Variants in C10orf67 observed in about 807,000 individuals in gnomAD.
The protein encoded by C10orf67 is uncharacterized protein C10orf67, mitochondrial.
A neutral mutation model predicts 35.6 loss-of-function variants in C10orf67; 60 were observed. That is an observed-to-expected ratio of 1.68 (90% CI 1.37 to 2.09). The LOEUF is 2.09. Among genes scored for constraint, C10orf67 ranks in the 30% most tolerant of loss-of-function variants. C10orf67 has a pLI of 0.00. For synonymous variants in C10orf67, 167 were observed against 115.8 expected (o/e 1.44, Z -2.84); for missense variants, 474 against 330.2 (o/e 1.44, Z -3.38).
intron 10 of C10orf67, among the ~76,000 whole-genome samples, chr10:23,252,128 C>T (rs532827395): frequency 6.6e-6 from 1 of 152,176 alleles, no homozygotes; most frequent in African/African-American, 2.4e-5. Flanking sequence ...TGGATCTGTT[C>T]TCCATATTTT....
Position 23,248,835 on chromosome 10 carries a change from T to C in C10orf67, c.1346+1620A>G, listed in dbSNP as rs557950386. ...AACATAGAAAGTGTGTAGTAATAAA[T>C]ACTTCTGCTTTCCTAAATATTTAGA... On this transcript the variant is annotated intron_variant, in intron 12 of 15. Transcript: ENST00000636213. Among the ~76,000 whole-genome samples the C allele has an allele frequency of 7.2e-5, 11 of 152,276 alleles. No individual in the cohort carries two copies. In the South Asian group the frequency reaches 2.3e-3, roughly 32 times the overall value.
Position 23,298,389 on chromosome 10 carries a change from G to GT in C10orf67, c.702+4914dup, listed in dbSNP as rs200839335. On this transcript the variant is annotated intron_variant, in intron 5 of 15. Transcript: ENST00000636213. ...TGTGAGGACTCCTAGAGCTATTCCT[G>GT]TTTTTTCTGTGACATATAAAGAAAA... 3.3e-3 allele frequency among the ~76,000 whole-genome samples: 496 copies of GT among 152,246 alleles called. 14 individuals are homozygous for GT. The East Asian group carries it at 0.05, about 15-fold the overall frequency.
rs1238208910 is a variant in C10orf67 at position 23,317,810 on chromosome 10, T to C, written c.546+2931A>G. On this transcript the variant is annotated intron_variant, in intron 4 of 15. Transcript: ENST00000636213. ...TCCTTCCGTCTTCTTCCATTAAATA[T>C]TAATTAGGCCAGCACAGTGGCTCAT... 2.0e-5 allele frequency: 3 copies of C among 151,978 alleles called. No individual in the cohort carries two copies. The East Asian group carries it at 5.8e-4, about 29-fold the overall frequency. The allele number at this position is 151,978 out of a possible 1,614,324, so 9.4% of individuals were successfully genotyped here. A position where few individuals can be genotyped will look rare whatever the true frequency, so the allele number is the denominator to read the frequency against.
In C10orf67 at chr10:23,226,377, T is replaced by C. The variant is rs1841742083; in HGVS notation, c.1435-2559A>G. 2.6e-5 allele frequency among the ~76,000 whole-genome samples: 4 copies of C among 152,060 alleles called. No individual in the cohort carries two copies. The South Asian group carries it at 8.3e-4, about 32-fold the overall frequency. ...CAAAATGAAGGCAGAAATAAAGATG[T>C]TCTTTGAAACCAACGAGAACAAGGA... On this transcript the variant is annotated intron_variant, in intron 13 of 15. Coordinates refer to ENST00000636213, the MANE Select transcript of C10orf67 (RefSeq NM_001371909.1).
chr10:23,336,645 G>T (rs577516517), intron 1 of C10orf67, among the ~76,000 whole-genome samples: 40 of 152,262 alleles, frequency 2.6e-4, no homozygotes, highest in Middle Eastern at 3.4e-3. Flanking sequence ...CTCCGAAGTG[G>T]CTGGGATTAC....
At chr10:23,227,409 A>T (rs1841770835) in intron 13 of C10orf67, among the ~76,000 whole-genome samples, 1 of 152,218 alleles carries the variant, frequency 6.6e-6, no homozygotes, top group Non-Finnish European at 1.5e-5. Context: ...AAAAACTCTC[A>T]ATAAATTAGG....
Position 23,289,955 on chromosome 10 carries a change from T to C in C10orf67, c.854A>G (p.Asp285Gly), listed in dbSNP as rs1843667939. 1.4e-6 allele frequency: 1 copy of C among 717,110 alleles called. No individual in the cohort carries two copies. The highest frequency in any genetic ancestry group is 1.5e-5 in the South Asian group (1 of 67,430). 44.4% of individuals were successfully genotyped at this position (717,110 alleles called of 1,614,324 possible). ...INLKENSGLEDELISMKEMAE... is the reference protein window; with the variant it reads ...INLKENSGLEGELISMKEMAE... ...CATCTCTTTCATACTTATAAGTTCA[T>C]CTTCTGTAAACAAAAGGAGAGAGAG... The change falls in exon 7 of 16, where the codon GAT becomes GGT. Residue 285 changes from aspartate (D) to glycine (G), a missense_variant. Coordinates refer to ENST00000636213, the MANE Select transcript of C10orf67 (RefSeq NM_001371909.1).
intron 10 of C10orf67, among the ~76,000 whole-genome samples, chr10:23,262,190 A>T (rs1002215571): frequency 1.3e-5 from 2 of 152,170 alleles, no homozygotes; most frequent in African/African-American, 4.8e-5. Flanking sequence ...GAGTGACAGC[A>T]TGTCAGATGC....
At chr10:23,277,564 A>AT (rs1564486009) in intron 8 of C10orf67, among the ~76,000 whole-genome samples, 3 of 151,942 alleles carry the variant, frequency 2.0e-5, no homozygotes, top group Non-Finnish European at 2.9e-5. Flanking sequence ...AAAAAAAAAA[A>AT]AAATAATAAC....
At chr10:23,325,681 T>TAAA (rs5783837) in intron 2 of C10orf67, among the ~76,000 whole-genome samples, 188 of 145,086 alleles carry the variant, frequency 1.3e-3, no homozygotes, top group Admixed American at 1.8e-3. Flanking sequence ...ATTATATATA[T>TAAA]AAAAAAAAAA....
intron 4 of C10orf67, among the ~76,000 whole-genome samples, chr10:23,313,921 A>AG (rs1564505719): frequency 1.3e-5 from 2 of 152,134 alleles, no homozygotes; most frequent in Non-Finnish European, 2.9e-5. Flanking sequence ...CGATGGACTT[A>AG]ATGAAGACCA....
intron 15 of C10orf67, among the ~76,000 whole-genome samples, chr10:23,209,230 A>G (rs1353235089): frequency 6.6e-6 from 1 of 152,252 alleles, no homozygotes; most frequent in East Asian, 1.9e-4. Flanking sequence ...AGGGAATAAC[A>G]AAGTGTAAAA....
At chr10:23,320,125 A>G (rs539648502) in intron 4 of C10orf67, among the ~76,000 whole-genome samples, 8 of 152,252 alleles carry the variant, frequency 5.3e-5, no homozygotes, top group Non-Finnish European at 1.0e-4. Flanking sequence ...ATACTTCACA[A>G]GCAATTACAT....
Position 23,308,244 on chromosome 10 carries a change from A to G in C10orf67, c.547-4785T>C, listed in dbSNP as rs184893472. On this transcript the variant is annotated intron_variant, in intron 4 of 15. Coordinates refer to ENST00000636213, the MANE Select transcript of C10orf67 (RefSeq NM_001371909.1). Reference sequence around the variant, plus strand: ...TCGTCACCTTCTTTCCTGTTCCACTACAATCTTCGTACTTGCCTTGTTCAC... The same window carrying G: ...TCGTCACCTTCTTTCCTGTTCCACTGCAATCTTCGTACTTGCCTTGTTCAC... Among the ~76,000 whole-genome samples, 228 of 152,262 alleles carry G rather than the reference A, an allele frequency of 1.5e-3. 2 individuals carry two copies. The highest frequency in any genetic ancestry group is 1.7e-3 in the Non-Finnish European group (115 of 68,014).
At chr10:23,315,951 T>C (rs992378147) in intron 4 of C10orf67, among the ~76,000 whole-genome samples, 1 of 152,060 alleles carries the variant, frequency 6.6e-6, no homozygotes, top group Non-Finnish European at 1.5e-5. Flanking sequence ...CCTCAGTAGG[T>C]AGGACTACAA....
At chr10:23,282,207 A>T (rs4747456) in intron 7 of C10orf67, 129 bp from the exon 8 acceptor site, 123,580 of 361,614 alleles carry the variant, frequency 0.34, 27,440 homozygotes, top group East Asian at 0.69. Flanking sequence ...CAAAAGAAAA[A>T]TAAATTTCTA....
rs1322840158 is a variant in C10orf67, at chr10:23,322,538, C to T, written c.328-1G>A. ...AATCTACCTGGAGGGATTTCATCATCTAAAAATGGAAAATATTATCCTTAG... is the reference window on the plus strand; with the variant it reads ...AATCTACCTGGAGGGATTTCATCATTTAAAAATGGAAAATATTATCCTTAG... On this transcript the variant is annotated splice_acceptor_variant, in intron 2 of 15. Coordinates refer to ENST00000636213, the MANE Select transcript of C10orf67 (RefSeq NM_001371909.1). LOFTEE classifies it high-confidence loss of function. 3 of 1,591,422 alleles carry T rather than the reference C, an allele frequency of 1.9e-6. No homozygotes were observed. The highest frequency in any genetic ancestry group is 2.6e-6 in the Non-Finnish European group (3 of 1,163,826).
chr10:23,236,253 GAAAAAAAAAAAAAAAAAA>G (rs368833212), intron 13 of C10orf67, among the ~76,000 whole-genome samples: 34 of 75,802 alleles, frequency 4.5e-4, no homozygotes, highest in Non-Finnish European at 6.8e-4. Context: ...CCTCTCGGGG[GAAAAAAAAAAAAAAAAAA>G]AAAAAAAAAA....
At chr10:23,331,788 C>G (rs1183300971) in intron 2 of C10orf67, among the ~76,000 whole-genome samples, 2 of 151,982 alleles carry the variant, frequency 1.3e-5, no homozygotes, top group African/African-American at 2.4e-5. Flanking sequence ...GCATGTGAAC[C>G]GTGTCTCAAA....
Sources: allele counts gnomAD v4.1 joint callset (sites outside exome capture counted in the v4.1 genomes callset), GRCh38; gene constraint gnomAD v4.1.1; transcripts MANE v1.5; gene names NCBI Gene and HGNC (gene_info 2026-07-23, HGNC 2026-07-21).